The following NEK1 variants were observed in gnomAD, a reference collection of about 807,000 sequenced individuals.
NEK1 encodes serine/threonine-protein kinase Nek1.
In NEK1, 137 loss-of-function variants were observed where a neutral mutation model predicts 182.1. The ratio of observed to expected loss-of-function variants is 0.75; its 90% confidence interval spans 0.65 to 0.87. The LOEUF (loss-of-function observed/expected upper bound fraction) is 0.87, where lower values mean the gene tolerates loss of function less well. Ranked by LOEUF, NEK1 falls within the 40% of genes least tolerant of loss-of-function variation. The probability of loss-of-function intolerance (pLI) is 0.00; values close to 1 mark genes in which losing one functional copy is unlikely to be tolerated. For synonymous variants in NEK1, 513 were observed against 492.2 expected (o/e 1.04, Z -0.56); for missense variants, 1,391 against 1,494.4 (o/e 0.93, Z 1.14).
At chr4:169,522,184 T>G (rs1473166209) in intron 19 of NEK1, among the ~76,000 whole-genome samples, 2 of 152,218 alleles carry the variant, frequency 1.3e-5, no homozygotes, top group Non-Finnish European at 2.9e-5. Context: ...TTAATTTTGA[T>G]TATTGTGTTT....
intron 23 of NEK1, among the ~76,000 whole-genome samples, chr4:169,499,987 T>C (rs1243482755): frequency 7.2e-5 from 11 of 152,212 alleles, no homozygotes; most frequent in Admixed American, 6.5e-4. Context: ...GGCTATGCCC[T>C]GCCCCCAGAG....
intron 31 of NEK1, among the ~76,000 whole-genome samples, chr4:169,415,808 T>C (rs1458313507): frequency 1.3e-5 from 2 of 152,174 alleles, no homozygotes; most frequent in African/African-American, 2.4e-5. Context: ...CAGTTTACTG[T>C]CATTACATCT....
At chr4:169,606,353 G>A (rs1034142735) in intron 2 of NEK1, among the ~76,000 whole-genome samples, 2 of 151,096 alleles carry the variant, frequency 1.3e-5, no homozygotes, top group Non-Finnish European at 2.9e-5. Flanking sequence ...AGAAGAGAAG[G>A]CAACAGCAAT....
chr4:169,531,637 G>C (rs984482114), intron 19 of NEK1, among the ~76,000 whole-genome samples: 6 of 152,028 alleles, frequency 3.9e-5, no homozygotes, highest in African/African-American at 1.4e-4. Context: ...GAAGGAAATG[G>C]CTGAAACCAG....
chr4:169,596,627 G>A (rs1417046654), intron 5 of NEK1, among the ~76,000 whole-genome samples: 1 of 152,156 alleles, frequency 6.6e-6, no homozygotes, highest in Non-Finnish European at 1.5e-5. Context: ...TGAAGAGAAT[G>A]GCTTCAGTAG....
intron 18 of NEK1, among the ~76,000 whole-genome samples, chr4:169,553,619 G>A (rs1708882878): frequency 6.6e-6 from 1 of 151,964 alleles, no homozygotes; most frequent in Non-Finnish European, 1.5e-5. Flanking sequence ...ACCTGATAAA[G>A]GACTGTTAAA....
intron 18 of NEK1, among the ~76,000 whole-genome samples, chr4:169,553,166 T>TAG (rs1561400327): frequency 1.3e-5 from 2 of 152,164 alleles, no homozygotes; most frequent in Admixed American, 1.3e-4. Context: ...TTTCAAGACT[T>TAG]AATCAGTAGA....
In NEK1 at chr4:169,549,149, A is replaced by C. The variant is rs116135605; in HGVS notation, c.1562+6571T>G. Among the ~76,000 whole-genome samples the C allele has an allele frequency of 3.2e-3, 489 of 152,300 alleles. 5 individuals are homozygous for C. Among genetic ancestry groups the C allele is most frequent in the African/African-American group, 0.011 (474 of 41,570 alleles). On this transcript the variant is annotated intron_variant, in intron 18 of 35. Coordinates refer to ENST00000507142, the MANE Select transcript of NEK1 (RefSeq NM_001199397.3). Reference sequence around the variant, plus strand: ...CTGTGGGTTGTGAAGACCGTCGGAAAAGCACAGTATCTGGGCCAGAGTGCA... The same window carrying C: ...CTGTGGGTTGTGAAGACCGTCGGAACAGCACAGTATCTGGGCCAGAGTGCA...
chr4:169,428,843 C>T lies in NEK1; in HGVS notation c.2886-2609G>A, dbSNP rs555982685. On this transcript the variant is annotated intron_variant, in intron 29 of 35. Coordinates refer to ENST00000507142, the MANE Select transcript of NEK1 (RefSeq NM_001199397.3). The stretch of plus-strand genomic sequence containing the variant: ...GAGATTTTTCCTTTAAATTTACATG[C>T]TAATCTAATCTATGGAGATGGTTTT... Among the ~76,000 whole-genome samples the T allele has an allele frequency of 5.3e-5, 8 of 152,238 alleles. No individual in the cohort carries two copies. The South Asian group carries it at 1.7e-3, about 32-fold the overall frequency.
At chr4:169,501,586 A>G (rs1394809844) in intron 23 of NEK1, among the ~76,000 whole-genome samples, 1 of 152,188 alleles carries the variant, frequency 6.6e-6, no homozygotes, top group African/African-American at 2.4e-5. Flanking sequence ...ATAGAAATCA[A>G]TACCAAGAGG....
At chr4:169,495,126 T>C (rs1272086223) in intron 23 of NEK1, among the ~76,000 whole-genome samples, 2 of 152,108 alleles carry the variant, frequency 1.3e-5, no homozygotes, top group African/African-American at 2.4e-5. Flanking sequence ...TGGCTTTTGT[T>C]GCCATTGCTT....
chr4:169,586,352 T>C (rs1161469031), intron 9 of NEK1, among the ~76,000 whole-genome samples: 3 of 152,074 alleles, frequency 2.0e-5, no homozygotes, highest in African/African-American at 4.8e-5. Flanking sequence ...CTAAATGTCA[T>C]TTGAGTAAAT....
At chr4:169,403,025 CT>C (rs1274961561) in intron 32 of NEK1, among the ~76,000 whole-genome samples, 1 of 152,146 alleles carries the variant, frequency 6.6e-6, no homozygotes, top group East Asian at 1.9e-4. Context: ...AAAGTTTAGA[CT>C]CCAATCAAAT....
At chr4:169,465,323 C>T (rs566246071) in intron 26 of NEK1, among the ~76,000 whole-genome samples, 2 of 152,104 alleles carry the variant, frequency 1.3e-5, no homozygotes, top group Non-Finnish European at 2.9e-5. Flanking sequence ...TCCTGTCCCC[C>T]CCACCACTGG....
chr4:169,513,115 G>A (rs566411667), intron 19 of NEK1, among the ~76,000 whole-genome samples: 92 of 152,114 alleles, frequency 6.0e-4, no homozygotes, highest in African/African-American at 2.1e-3. Context: ...AAATAAGCCT[G>A]TCTATATTAA....
chr4:169,504,922 G>C (rs1356549630), intron 23 of NEK1, among the ~76,000 whole-genome samples: 1 of 152,012 alleles, frequency 6.6e-6, no homozygotes, highest in Non-Finnish European at 1.5e-5. Flanking sequence ...TGAGGTGATA[G>C]ATACCCATTT....
chr4:169,573,475 G>A (rs1267092354), intron 12 of NEK1, among the ~76,000 whole-genome samples: 3 of 152,192 alleles, frequency 2.0e-5, no homozygotes, highest in Admixed American at 6.5e-5. Flanking sequence ...ATATTCCACT[G>A]ACCAGCTTCA....
chr4:169,599,812 C>T (rs945938176), intron 4 of NEK1, among the ~76,000 whole-genome samples: 6 of 152,042 alleles, frequency 3.9e-5, no homozygotes, highest in African/African-American at 9.7e-5. Flanking sequence ...CTTTATGTCT[C>T]GGTCCACAAA....
At position 169,507,750 on chromosome 4, in the gene NEK1, C is replaced by T. The variant is rs33933790; in HGVS notation, c.1876G>A (p.Ala626Thr). Reference protein sequence around the residue: ...HSEGQEGSEEADMRRKKIESL... With the variant: ...HSEGQEGSEETDMRRKKIESL... ...TCGATTTTTTTGCGCCTCATGTCAG[C>T]CTCTTCACTTCCTTCTTGTCCTTCA... The change falls in exon 22 of 36, where the codon GCT (alanine) becomes ACT (threonine). Residue 626 changes from alanine (A) to threonine (T), a missense_variant. Ala to Thr is a moderately conservative substitution (Grantham distance 58). Around this residue, in one of 5 missense-constraint regions of NEK1, gnomAD observed 1,216 missense variants for 1,277.6 expected, o/e 0.95. Transcript: ENST00000507142. The T allele has an allele frequency of 0.066, 106,923 of 1,611,368 alleles. 4,165 individuals carry two copies. The highest frequency in any genetic ancestry group is 0.079 in the Non-Finnish European group (92,984 of 1,177,938).
Sources: gnomAD v4.1 joint callset for allele counts (sites outside exome capture counted in the v4.1 genomes callset) on GRCh38, gnomAD v4.1.1 for gene constraint, gnomAD v4.1.1 regional missense constraint, MANE v1.5 for transcripts, NCBI Gene and HGNC (gene_info 2026-07-23, HGNC 2026-07-21) for gene names.